RNF115: variants seen among roughly 807,000 people sequenced by gnomAD.
RNF115 encodes the protein E3 ubiquitin-protein ligase RNF115.
RNF115 carries 31 observed loss-of-function variants against 39.2 expected under a neutral mutation model. The observed-to-expected ratio is 0.79, with a 90% CI of 0.59 to 1.07. The LOEUF (loss-of-function observed/expected upper bound fraction) is 1.07, where lower values mean the gene tolerates loss of function less well. RNF115 is among the 50% of genes least tolerant of loss of function. The probability of loss-of-function intolerance (pLI) is 0.00; values close to 1 mark genes in which losing one functional copy is unlikely to be tolerated. For synonymous variants in RNF115, 124 were observed against 131.0 expected (o/e 0.95, Z 0.37); for missense variants, 384 against 381.7 (o/e 1.01, Z -0.05).
At chr1:145,796,554 T>G (rs1383070548) in intron 1 of RNF115, among the ~76,000 whole-genome samples, 1 of 152,016 alleles carries the variant, frequency 6.6e-6, no homozygotes, top group Non-Finnish European at 1.5e-5. Context: ...ACCTGGCTAA[T>G]TTTTGTATTT....
At chr1:145,777,792 C>T (rs782614891) in intron 3 of RNF115, among the ~76,000 whole-genome samples, 19 of 152,070 alleles carry the variant, frequency 1.2e-4, no homozygotes, top group Non-Finnish European at 2.6e-4. Context: ...AGTATAATGA[C>T]AGTATTTCTG....
intron 1 of RNF115, among the ~76,000 whole-genome samples, chr1:145,796,434 T>C (rs1405394009): frequency 6.6e-6 from 1 of 152,110 alleles, no homozygotes; most frequent in Non-Finnish European, 1.5e-5. Context: ...TTAACTTTTT[T>C]TTTTTTTTCT....
chr1:145,782,724 G>C (rs1553717603), intron 3 of RNF115, among the ~76,000 whole-genome samples: 2 of 152,140 alleles, frequency 1.3e-5, no homozygotes, highest in Admixed American at 6.5e-5. Flanking sequence ...GAACACTAAA[G>C]AAAAATCAAA....
In RNF115 at chr1:145,788,950, C is replaced by T. The variant is rs1553718529; in HGVS notation, c.119G>A (p.Arg40Lys). 1.3e-6 allele frequency: 2 copies of T among 1,597,052 alleles called. No homozygotes were observed. Among genetic ancestry groups the T allele is most frequent in the East Asian group, 2.2e-5 (1 of 44,806 alleles). Residue 40 changes from arginine to lysine, a missense_variant, in exon 2 of 9, where the codon AGA becomes AAA. Transcript: ENST00000582693. Reference sequence around the variant, plus strand: ...TTCTTCAATAAAGCCTGATTCACATCTGGGACATATATATTCCTATAAAAG... The same window carrying T: ...TTCTTCAATAAAGCCTGATTCACATTTGGGACATATATATTCCTATAAAAG... ...SPKLPEYICP[R>K]CESGFIEEVT... is the part of the protein sequence containing the mutation.
chr1:145,765,978 A>C (rs1333674339), intron 4 of RNF115, among the ~76,000 whole-genome samples: 1 of 152,148 alleles, frequency 6.6e-6, no homozygotes, highest in Non-Finnish European at 1.5e-5. Flanking sequence ...GATTTCTTAA[A>C]TACAAATACA....
intron 3 of RNF115, among the ~76,000 whole-genome samples, chr1:145,781,470 A>C (rs1648144080): frequency 6.6e-6 from 1 of 152,188 alleles, no homozygotes; most frequent in South Asian, 2.1e-4. Context: ...TAATTTTCAC[A>C]TCTTTGCTTA....
intron 1 of RNF115, among the ~76,000 whole-genome samples, chr1:145,795,192 T>G (rs1464795320): frequency 6.6e-6 from 1 of 151,946 alleles, no homozygotes; most frequent in Non-Finnish European, 1.5e-5. Context: ...CGGAATTGTT[T>G]GATCCTCCCG....
chr1:145,787,725 A>AAAAATACAC, intron 2 of RNF115, among the ~76,000 whole-genome samples: 1 of 152,032 alleles, frequency 6.6e-6, no homozygotes, highest in African/African-American at 2.4e-5. Context: ...CATCTCTACT[A>AAAAATACAC]AAAATACACA....
At chr1:145,777,522 A>G (rs56401112) in intron 3 of RNF115, among the ~76,000 whole-genome samples, 77 of 152,306 alleles carry the variant, frequency 5.1e-4, no homozygotes, top group Non-Finnish European at 9.4e-4. Flanking sequence ...AGGATGGAAA[A>G]GCACACCTCA....
At chr1:145,789,327 C>G (rs587622773) in intron 1 of RNF115, among the ~76,000 whole-genome samples, 3 of 152,282 alleles carry the variant, frequency 2.0e-5, no homozygotes, top group South Asian at 2.1e-4. Context: ...TCTCAAACTC[C>G]TGAACTGAAG....
chr1:145,819,253 T>A, intron 1 of RNF115, among the ~76,000 whole-genome samples: 1 of 120,212 alleles, frequency 8.3e-6, no homozygotes, highest in Non-Finnish European at 1.6e-5. Flanking sequence ...CTGGGCAACA[T>A]GACGAAACCT....
chr1:145,786,948 A>G, intron 2 of RNF115: 1 of 696,142 alleles, frequency 1.4e-6, no homozygotes. Context: ...ATTGCCCCAG[A>G]AGCTCCAGCT....
chr1:145,767,863 C>T (rs1342894613), intron 4 of RNF115, among the ~76,000 whole-genome samples: 1 of 152,238 alleles, frequency 6.6e-6, no homozygotes, highest in African/African-American at 2.4e-5. Flanking sequence ...ATCGCAGGCA[C>T]TCGGCAGGCT....
At chr1:145,806,355 T>C (rs1226754270) in intron 1 of RNF115, among the ~76,000 whole-genome samples, 3 of 151,710 alleles carry the variant, frequency 2.0e-5, no homozygotes, top group Non-Finnish European at 4.4e-5. Flanking sequence ...CTCAAAAAAA[T>C]AAAATAGATA....
At chr1:145,769,402 C>T (rs923249632) in intron 4 of RNF115, among the ~76,000 whole-genome samples, 1 of 152,094 alleles carries the variant, frequency 6.6e-6, no homozygotes, top group South Asian at 2.1e-4. Flanking sequence ...TTTTTAGAGA[C>T]ATAATTACAA....
intron 7 of RNF115, among the ~76,000 whole-genome samples, 168 bp downstream of exon 7, chr1:145,750,239 G>A (rs1304341450): frequency 6.6e-6 from 1 of 152,160 alleles, no homozygotes. Context: ...ATTTTAGAGG[G>A]CTATAGCTTC....
Position 145,750,504 on chromosome 1 carries a change from CAA to C in RNF115, c.574-6_574-5del, listed in dbSNP as rs782422582. ...TGTTTTCCAGTTGTCCTAAAAGCTA[CAA>C]AAAAAGAGAAAGAAAAAGACGAAGT... is the stretch of plus-strand genomic sequence containing the variant. On this transcript the variant is annotated splice_region_variant and splice_polypyrimidine_tract_variant and intron_variant, in intron 6 of 8. Coordinates refer to ENST00000582693, the MANE Select transcript of RNF115 (RefSeq NM_014455.4). 4 of 1,611,430 alleles carry C rather than the reference CAA, an allele frequency of 2.5e-6. No homozygotes were observed. The highest frequency in any genetic ancestry group is 1.7e-4 in the Middle Eastern group (1 of 6,056).
intron 4 of RNF115, among the ~76,000 whole-genome samples, chr1:145,767,937 C>T (rs1553715263): frequency 1.4e-5 from 1 of 71,270 alleles, no homozygotes; most frequent in Non-Finnish European, 2.5e-5. Context: ...AGTCCAGCTT[C>T]GGCTCGGCAT....
chr1:145,776,096 G>GGT (rs1246214707), intron 3 of RNF115, among the ~76,000 whole-genome samples: 1 of 149,918 alleles, frequency 6.7e-6, no homozygotes, highest in East Asian at 2.0e-4. Context: ...GGTAAGGGGG[G>GGT]GGCTACTGTA....
Sources: allele counts gnomAD v4.1 joint callset (sites outside exome capture counted in the v4.1 genomes callset), GRCh38; gene constraint gnomAD v4.1.1; transcripts MANE v1.5; gene names NCBI Gene and HGNC (gene_info 2026-07-23, HGNC 2026-07-21).